The following SF3A2 variants were observed in gnomAD, a reference collection of about 807,000 sequenced individuals.
SF3A2 encodes SAP 62.
A neutral mutation model predicts 31.1 loss-of-function variants in SF3A2; 5 were observed. The ratio of observed to expected loss-of-function variants is 0.16; its 90% confidence interval spans 0.08 to 0.34. The LOEUF is 0.34. SF3A2 is among the 10% of genes least tolerant of loss of function. The pLI is 1.00. For synonymous variants in SF3A2, 365 were observed against 263.7 expected (o/e 1.38, Z -3.72); for missense variants, 577 against 643.9 (o/e 0.90, Z 1.13).
intron 2 of SF3A2, among the ~76,000 whole-genome samples, chr19:2,244,005 G>GT (rs1166457141): frequency 6.6e-6 from 1 of 152,222 alleles, no homozygotes; most frequent in Non-Finnish European, 1.5e-5. Flanking sequence ...TCCAGATGAG[G>GT]TCATGGGTAG....
Position 2,242,462 on chromosome 19 carries a change from T to G in SF3A2, c.-37-920T>G, listed in dbSNP as rs574575377. Among the ~76,000 whole-genome samples the G allele has an allele frequency of 2.1e-4, 32 of 152,208 alleles. No individual in the cohort carries two copies. In the South Asian group the frequency reaches 6.7e-3, roughly 32 times the overall value. The stretch of plus-strand genomic sequence containing the variant: ...CCTCTCTGACTCTCAGCCTCCCGCC[T>G]CCTCTCATGAGGTCACCCAGGATCA... On this transcript the variant is annotated intron_variant, in intron 1 of 8. Transcript: ENST00000221494.
At chr19:2,247,113 C>A in intron 7 of SF3A2, 91 bp downstream of exon 7, 1 of 1,529,298 alleles carries the variant, frequency 6.5e-7, no homozygotes. Flanking sequence ...TCCCATCGGG[C>A]TTGGGGTCCC....
rs2145015927 is a variant in SF3A2 at position 2,246,555 on chromosome 19, T to C, written c.356-198T>C. On this transcript the variant is annotated intron_variant, in intron 5 of 8. Transcript: ENST00000221494. The surrounding 1 kb of genome is among the most constrained non-coding windows in gnomAD (Gnocchi z 5.5). The stretch of plus-strand genomic sequence containing the variant: ...GTCCCTGCCTGAGTGACTCCGCAGG[T>C]AGCTCAGCTCTGGCGCACCTGTGCC... 6.6e-6 allele frequency among the ~76,000 whole-genome samples: 1 copy of C among 152,114 alleles called. No individual in the cohort carries two copies. The highest frequency in any genetic ancestry group is 1.9e-4 in the East Asian group (1 of 5,162).
At chr19:2,244,451 A>G (rs1206813301) in intron 2 of SF3A2, 93 bp from the exon 3 acceptor site, 7 of 960,468 alleles carry the variant, frequency 7.3e-6, no homozygotes, top group African/African-American at 3.2e-5. Flanking sequence ...TTCTGCCTCC[A>G]TGCCTCTACA....
chr19:2,237,609 T>C (rs527280042), intron 1 of SF3A2: 5 of 152,184 alleles, frequency 3.3e-5, no homozygotes, highest in Admixed American at 2.0e-4. Flanking sequence ...ACAACCAAGA[T>C]TCGTTGGGGT....
intron 2 of SF3A2, among the ~76,000 whole-genome samples, chr19:2,243,822 T>C (rs986194591): frequency 6.6e-6 from 1 of 152,222 alleles, no homozygotes; most frequent in Non-Finnish European, 1.5e-5. Flanking sequence ...GGAGAGCTGA[T>C]GTCAGTCCAG....
rs1346420442 is a variant in SF3A2 at position 2,243,077 on chromosome 19, A to G, written c.-37-305A>G. ...TTATGCCTTCTCTGGGCTCCCTATT[A>G]CAATTTCAGGTCTCCAGGCCTTGGC... is the stretch of plus-strand genomic sequence containing the variant. On this transcript the variant is annotated intron_variant, in intron 1 of 8. Coordinates refer to ENST00000221494, the MANE Select transcript of SF3A2 (RefSeq NM_007165.5). Among the ~76,000 whole-genome samples, 4 of 151,980 alleles carry G rather than the reference A, an allele frequency of 2.6e-5. No homozygotes were observed. In the East Asian group the frequency reaches 7.7e-4, roughly 29 times the overall value.
At chr19:2,237,805 G>T (rs2024847534) in intron 1 of SF3A2, 1 of 152,154 alleles carries the variant, frequency 6.6e-6, no homozygotes, top group Admixed American at 6.5e-5. Context: ...ACGTTAGCTG[G>T]CCCCATTTTG....
chr19:2,245,261 G>A lies in SF3A2; in HGVS notation c.246-185G>A. The A allele has an allele frequency of 1.8e-6, 1 of 567,114 alleles. No individual in the cohort carries two copies. Among genetic ancestry groups the A allele is most frequent in the Non-Finnish European group, 3.1e-6 (1 of 319,972 alleles). 35.1% of individuals were successfully genotyped at this position (567,114 alleles called of 1,614,324 possible). On this transcript the variant is annotated intron_variant, in intron 4 of 8. Coordinates refer to ENST00000221494, the MANE Select transcript of SF3A2 (RefSeq NM_007165.5). The surrounding 1 kb of genome is among the most constrained non-coding windows in gnomAD (Gnocchi z 4.2). ...GCCAGGGACAGTGAGGAGCATGACA[G>A]GAAGAGAACATGCCTGTCCTATCCC... is the stretch of plus-strand genomic sequence containing the variant.
chr19:2,245,642 G>A lies in SF3A2; in HGVS notation c.355+87G>A. 1.0e-6 allele frequency: 1 copy of A among 954,476 alleles called. No homozygotes were observed. The highest frequency in any genetic ancestry group is 1.6e-6 in the Non-Finnish European group (1 of 607,710). The allele number at this position is 954,476 out of a possible 1,614,324, so 59.1% of individuals were successfully genotyped here. On this transcript the variant is annotated intron_variant, in intron 5 of 8. Coordinates refer to ENST00000221494, the MANE Select transcript of SF3A2 (RefSeq NM_007165.5). The surrounding 1 kb of genome is among the most constrained non-coding windows in gnomAD (Gnocchi z 4.2). Reference sequence around the variant, plus strand: ...TCTCCAGTGCGGGAGGTGCAGCCCTGATAGCCTCCTCCCTGAGCCACTGTT... The same window carrying A: ...TCTCCAGTGCGGGAGGTGCAGCCCTAATAGCCTCCTCCCTGAGCCACTGTT...
At position 2,248,114 on chromosome 19, in the gene SF3A2, G is replaced by A. The variant is rs1160515665; in HGVS notation, c.963G>A (p.Gly321=). Residue 321 remains glycine, a synonymous_variant, in exon 9 of 9, where the codon GGG becomes GGA. Coordinates refer to ENST00000221494, the MANE Select transcript of SF3A2 (RefSeq NM_007165.5). ...CTGGCGTCCATCCCCCAGCCCCTGG[G>A]GTCCACCCACCAACCTCTGGGGTCC... is the stretch of plus-strand genomic sequence containing the variant. ...PAPGVHPPAP[G]VHPPTSGVHP... is the part of the protein sequence containing the mutation. 7.9e-7 allele frequency: 1 copy of A among 1,262,552 alleles called. No individual in the cohort carries two copies. The highest frequency in any genetic ancestry group is 1.3e-5 in the South Asian group (1 of 77,844). 78.2% of individuals were successfully genotyped at this position (1,262,552 alleles called of 1,614,324 possible).
In SF3A2 at chr19:2,247,812, C is replaced by T; in HGVS notation, c.661C>T (p.Pro221Ser). The T allele has an allele frequency of 6.2e-7, 1 of 1,608,638 alleles. No homozygotes were observed. Among genetic ancestry groups the T allele is most frequent in the Non-Finnish European group, 8.5e-7 (1 of 1,178,468 alleles). ...TAAGATGGAGAAGCCCCCGGCTCCA[C>T]CCAGCCTCCCTGCTGGCCCCCCTGG... is the stretch of plus-strand genomic sequence containing the variant. ...HFKMEKPPAP[P>S]SLPAGPPGVK... The change falls in exon 9 of 9, where the codon CCC becomes TCC. Residue 221 changes from proline (P) to serine (S), a missense_variant. This residue lies in a region of SF3A2 where 462 missense variants were observed against 339.1 expected (regional missense o/e 1.36). Transcript: ENST00000221494.
intron 2 of SF3A2, among the ~76,000 whole-genome samples, chr19:2,244,230 G>A (rs1027545840): frequency 6.6e-6 from 1 of 152,146 alleles, no homozygotes; most frequent in Non-Finnish European, 1.5e-5. Context: ...CCTCGGGAGT[G>A]ACCGGCGGTG....
In SF3A2 at chr19:2,245,586, G is replaced by A. The variant is rs2024924797; in HGVS notation, c.355+31G>A. On this transcript the variant is annotated intron_variant, in intron 5 of 8. Transcript: ENST00000221494. This position sits in a 1 kb window ranked among gnomAD's most constrained non-coding sequence, Gnocchi z 4.2. ...TCTGCCCGCAGCGGGGCCGGCCACAGCCGCTGCCGTGACATAAGTGTGTTC... is the reference window on the plus strand; with the variant it reads ...TCTGCCCGCAGCGGGGCCGGCCACAACCGCTGCCGTGACATAAGTGTGTTC... 2.1e-6 allele frequency: 3 copies of A among 1,451,374 alleles called. No homozygotes were observed. The highest frequency in any genetic ancestry group is 2.8e-6 in the Non-Finnish European group (3 of 1,056,438). The allele number at this position is 1,451,374 out of a possible 1,614,324, so 89.9% of individuals were successfully genotyped here.
Position 2,245,458 on chromosome 19 carries a change from AGCCAAGGAG to A in SF3A2, c.271_279del (p.Lys91_Ala93del), listed in dbSNP as rs1438852548. On this transcript the variant is annotated inframe_deletion, in exon 5 of 9. Coordinates refer to ENST00000221494, the MANE Select transcript of SF3A2 (RefSeq NM_007165.5). This position sits in a 1 kb window ranked among gnomAD's most constrained non-coding sequence, Gnocchi z 4.2. ...ATCCTGTCCGCAGGGCCCGGCGAGC[AGCCAAGGAG>A]GCCAAGGAGGCCCCTGCCCAGCCCG... is the stretch of plus-strand genomic sequence containing the variant. 1.9e-6 allele frequency: 3 copies of A among 1,550,252 alleles called. No homozygotes were observed. Among genetic ancestry groups the A allele is most frequent in the African/African-American group, 1.4e-5 (1 of 73,024 alleles).
Position 2,246,263 on chromosome 19 carries a change from G to A in SF3A2, c.356-490G>A, listed in dbSNP as rs894275593. Among the ~76,000 whole-genome samples, 2 of 149,754 alleles carry A rather than the reference G, an allele frequency of 1.3e-5. No individual in the cohort carries two copies. Among genetic ancestry groups the A allele is most frequent in the East Asian group, 1.9e-4 (1 of 5,170 alleles). Reference sequence around the variant, plus strand: ...GGCGGCAGAGGGCTTGTGAGTGTGCGTGTCTGAGGCCGCATGGAGAGTGGC... The same window carrying A: ...GGCGGCAGAGGGCTTGTGAGTGTGCATGTCTGAGGCCGCATGGAGAGTGGC... On this transcript the variant is annotated intron_variant, in intron 5 of 8. Coordinates refer to ENST00000221494, the MANE Select transcript of SF3A2 (RefSeq NM_007165.5). This position sits in a 1 kb window ranked among gnomAD's most constrained non-coding sequence, Gnocchi z 5.5.
In SF3A2 at chr19:2,245,367, G is replaced by A. The variant is rs1319859844; in HGVS notation, c.246-79G>A. 3 of 1,067,598 alleles carry A rather than the reference G, an allele frequency of 2.8e-6. No homozygotes were observed. Among genetic ancestry groups the A allele is most frequent in the Non-Finnish European group, 4.2e-6 (3 of 718,230 alleles). The allele number at this position is 1,067,598 out of a possible 1,614,324, so 66.1% of individuals were successfully genotyped here. ...AGCTTGTAGTGAGCTCCAAGGTCAG[G>A]GGGCTCCTGGCACCTGGGCCCATGG... On this transcript the variant is annotated intron_variant, in intron 4 of 8. Coordinates refer to ENST00000221494, the MANE Select transcript of SF3A2 (RefSeq NM_007165.5). The surrounding 1 kb of genome is among the most constrained non-coding windows in gnomAD (Gnocchi z 4.2).
chr19:2,243,402 G>A lies in SF3A2; in HGVS notation c.-17G>A. 2 of 1,528,590 alleles carry A rather than the reference G, an allele frequency of 1.3e-6. No individual in the cohort carries two copies. Among genetic ancestry groups the A allele is most frequent in the African/African-American group, 2.9e-5 (2 of 69,192 alleles). The allele number at this position is 1,528,590 out of a possible 1,614,324, so 94.7% of individuals were successfully genotyped here. On this transcript the variant is annotated 5_prime_UTR_variant, in exon 2 of 9. Coordinates refer to ENST00000221494, the MANE Select transcript of SF3A2 (RefSeq NM_007165.5). ...CACAGGTGTCTCCCAGTCTGCTAAAGCCCTAAGGCCATCACCATGGACTTC... is the reference window on the plus strand; with the variant it reads ...CACAGGTGTCTCCCAGTCTGCTAAAACCCTAAGGCCATCACCATGGACTTC...
intron 1 of SF3A2, among the ~76,000 whole-genome samples, chr19:2,240,221 T>C (rs1333483720): frequency 6.6e-6 from 1 of 152,210 alleles, no homozygotes; most frequent in African/African-American, 2.4e-5. Context: ...GCCTGCCACC[T>C]GAGCTGTGCG....
Sources: gnomAD v4.1 joint callset for allele counts (sites outside exome capture counted in the v4.1 genomes callset) on GRCh38, gnomAD v4.1.1 for gene constraint, gnomAD v4.1.1 regional missense constraint, Gnocchi (gnomAD v3.1) non-coding constraint, MANE v1.5 for transcripts, NCBI Gene and HGNC (gene_info 2026-07-23, HGNC 2026-07-21) for gene names.